EBF2: variants seen among roughly 807,000 people sequenced by gnomAD.
EBF2 encodes the protein transcription factor COE2.
EBF2 carries 21 observed loss-of-function variants against 72.8 expected under a neutral mutation model. That is an observed-to-expected ratio of 0.29 (90% CI 0.20 to 0.42). The LOEUF is 0.42. Ranked by LOEUF, EBF2 falls within the 10% of genes least tolerant of loss-of-function variation. The pLI is 1.00. For missense variants in EBF2, 637 were observed against 731.2 expected, an observed-to-expected ratio of 0.87 and a Z score of 1.49; for synonymous variants, 299 against 274.2, an observed-to-expected ratio of 1.09 and a Z score of -0.89.
At chr8:26,040,865 A>C (rs1563217015) in intron 3 of EBF2, 74 bp downstream of exon 3, 4 of 1,597,592 alleles carry the variant, frequency 2.5e-6, no homozygotes, top group Non-Finnish European at 3.4e-6. Context: ...GAGAGTGATC[A>C]TGGCAAGGTC....
chr8:26,011,446 A>C (rs146701522), intron 6 of EBF2, among the ~76,000 whole-genome samples: 263 of 120,224 alleles, frequency 2.2e-3, no homozygotes, highest in African/African-American at 7.9e-3. Flanking sequence ...CCCAATAAAC[A>C]TTTCTCTTCA....
At chr8:26,032,508 C>CA (rs1376683185) in intron 6 of EBF2, 4 of 152,038 alleles carry the variant, frequency 2.6e-5, no homozygotes, top group Non-Finnish European at 4.4e-5. Context: ...TTTCCAATCA[C>CA]AAAAAACAGA....
intron 6 of EBF2, among the ~76,000 whole-genome samples, chr8:25,948,185 G>A (rs971027558): frequency 2.7e-4 from 41 of 152,106 alleles, no homozygotes; most frequent in Non-Finnish European, 5.1e-4. Flanking sequence ...AAATGACTTG[G>A]TTGTTCCTTG....
intron 1 of EBF2, among the ~76,000 whole-genome samples, chr8:26,043,159 C>A (rs6557876): frequency 6.6e-6 from 1 of 152,180 alleles, no homozygotes; most frequent in South Asian, 2.1e-4. Context: ...TGTGTGCACA[C>A]GCTTCCCAGC....
At chr8:25,931,474 G>A (rs1038462844) in intron 6 of EBF2, among the ~76,000 whole-genome samples, 2 of 152,090 alleles carry the variant, frequency 1.3e-5, no homozygotes, top group Admixed American at 6.6e-5. Flanking sequence ...AATAAAAAGG[G>A]AAGAAAAATT....
chr8:25,885,975 AC>A (rs924220910), intron 10 of EBF2, among the ~76,000 whole-genome samples: 44 of 151,988 alleles, frequency 2.9e-4, no homozygotes, highest in African/African-American at 1.0e-3. Flanking sequence ...TGCTCACCTC[AC>A]CCTGTGGCCT....
intron 10 of EBF2, among the ~76,000 whole-genome samples, chr8:25,885,744 C>A (rs1188258599): frequency 6.6e-6 from 1 of 152,144 alleles, no homozygotes; most frequent in Non-Finnish European, 1.5e-5. Context: ...GTAAGATGTG[C>A]CTTTCGCCTT....
chr8:25,889,056 G>A (rs1802735143), intron 8 of EBF2, among the ~76,000 whole-genome samples: 1 of 152,140 alleles, frequency 6.6e-6, no homozygotes, highest in South Asian at 2.1e-4. Flanking sequence ...GTTAGGGTGG[G>A]AGGTGGGGGT....
At chr8:26,000,848 G>A (rs889177891) in intron 6 of EBF2, among the ~76,000 whole-genome samples, 1 of 152,178 alleles carries the variant, frequency 6.6e-6, no homozygotes, top group African/African-American at 2.4e-5. Flanking sequence ...CCGTAAAAAT[G>A]CCAGCCGAAG....
At chr8:25,944,689 TA>T (rs1803735990) in intron 6 of EBF2, among the ~76,000 whole-genome samples, 1 of 147,840 alleles carries the variant, frequency 6.8e-6, no homozygotes, top group African/African-American at 2.5e-5. Context: ...ATATAATATA[TA>T]AATTATATTA....
chr8:25,885,837 G>A (rs1324126451), intron 10 of EBF2, among the ~76,000 whole-genome samples: 4 of 152,206 alleles, frequency 2.6e-5, no homozygotes, highest in Admixed American at 6.5e-5. Flanking sequence ...ACCCAGTCTC[G>A]GGTATGTCTT....
rs144300601 is a variant in EBF2, at chr8:26,033,844, A to G, written c.483-691T>C. The stretch of plus-strand genomic sequence containing the variant: ...GATTTATGACCATGTTTTATAAAAT[A>G]AAAAATAAAAAACACTGAACCTGAA... On this transcript the variant is annotated intron_variant, in intron 5 of 15. Transcript: ENST00000520164. Among the ~76,000 whole-genome samples, 425 of 152,332 alleles carry G rather than the reference A, an allele frequency of 2.8e-3. 2 individuals carry two copies. Among genetic ancestry groups the G allele is most frequent in the Non-Finnish European group, 4.8e-3 (327 of 68,032 alleles).
intron 6 of EBF2, among the ~76,000 whole-genome samples, chr8:26,002,219 C>T (rs146058560): frequency 1.7e-4 from 26 of 152,224 alleles, no homozygotes; most frequent in African/African-American, 6.3e-4. Flanking sequence ...CCTAAGGCAA[C>T]ATGAAGTCTG....
intron 6 of EBF2, among the ~76,000 whole-genome samples, chr8:25,967,568 T>C (rs987560195): frequency 6.6e-6 from 1 of 152,188 alleles, no homozygotes; most frequent in Non-Finnish European, 1.5e-5. Flanking sequence ...GTACTGAAAG[T>C]GAAAAACAGC....
chr8:26,029,940 C>A (rs529943835), intron 6 of EBF2, among the ~76,000 whole-genome samples: 17 of 152,234 alleles, frequency 1.1e-4, no homozygotes, highest in South Asian at 4.1e-4. Flanking sequence ...TGAGACAGGT[C>A]TCCCTCTGTC....
chr8:26,018,548 A>G (rs1371298662), intron 6 of EBF2, among the ~76,000 whole-genome samples: 2 of 150,270 alleles, frequency 1.3e-5, no homozygotes, highest in Non-Finnish European at 2.9e-5. Context: ...TCAGGCGTCT[A>G]TAGTCCCAGC....
At chr8:25,870,798 TG>T (rs1275206330) in intron 10 of EBF2, among the ~76,000 whole-genome samples, 1 of 152,004 alleles carries the variant, frequency 6.6e-6, no homozygotes, top group Non-Finnish European at 1.5e-5. Flanking sequence ...AAGGCAGAAT[TG>T]TCTATTTTTA....
chr8:25,936,810 C>T (rs1180337008), intron 6 of EBF2, among the ~76,000 whole-genome samples: 5 of 152,122 alleles, frequency 3.3e-5, no homozygotes, highest in Admixed American at 3.3e-4. Context: ...ATAAGAATAG[C>T]CTTGTCTACA....
chr8:25,906,767 A>AAAACAAACAAAC (rs71551830), intron 7 of EBF2, among the ~76,000 whole-genome samples: 3 of 149,760 alleles, frequency 2.0e-5, no homozygotes, highest in Non-Finnish European at 4.4e-5. Flanking sequence ...ACTCCATCTC[A>AAAACAAACAAAC]AAACAAACAA....
Sources: gnomAD v4.1 joint callset for allele counts (sites outside exome capture counted in the v4.1 genomes callset) on GRCh38, gnomAD v4.1.1 for gene constraint, MANE v1.5 for transcripts, NCBI Gene and HGNC (gene_info 2026-07-23, HGNC 2026-07-21) for gene names.